The following KLF7 variants were observed in gnomAD, a reference collection of about 807,000 sequenced individuals.
KLF7 encodes the protein Krueppel-like factor 7.
Under a neutral mutation model 27.3 loss-of-function variants are expected in KLF7, and 2 were observed. That is an observed-to-expected ratio of 0.07 (90% CI 0.03 to 0.23). The LOEUF is 0.23. KLF7 is among the 10% of genes least tolerant of loss of function. KLF7 has a pLI of 1.00. For missense variants in KLF7, 221 were observed against 394.1 expected (o/e 0.56, Z 3.72); for synonymous variants, 165 against 162.4 (o/e 1.02, Z -0.12).
chr2:207,083,615 A>T (rs1317488662), intron 3 of KLF7, among the ~76,000 whole-genome samples: 1 of 152,210 alleles, frequency 6.6e-6, no homozygotes, highest in Non-Finnish European at 1.5e-5. Context: ...TCTGGTAGGC[A>T]GAATAATGCT....
intron 2 of KLF7, among the ~76,000 whole-genome samples, chr2:207,092,117 G>C (rs928234890): frequency 1.3e-5 from 2 of 152,132 alleles, no homozygotes; most frequent in Non-Finnish European, 2.9e-5. Flanking sequence ...TACTTCTCCT[G>C]GGTATAAAAC....
chr2:207,101,700 G>A (rs2076769086), intron 2 of KLF7, among the ~76,000 whole-genome samples: 2 of 152,160 alleles, frequency 1.3e-5, no homozygotes, highest in Admixed American at 6.5e-5. Context: ...TGTCCTCAGG[G>A]CCTGGCACAA....
At chr2:207,093,728 T>C (rs1179182953) in intron 2 of KLF7, among the ~76,000 whole-genome samples, 3 of 152,210 alleles carry the variant, frequency 2.0e-5, no homozygotes, top group Admixed American at 1.3e-4. Context: ...ATTAGGTGAA[T>C]TTAACAAAGC....
chr2:207,100,779 C>T (rs1165267218), intron 2 of KLF7, among the ~76,000 whole-genome samples: 2 of 152,158 alleles, frequency 1.3e-5, no homozygotes, highest in East Asian at 3.8e-4. Flanking sequence ...CTTTTTATGC[C>T]TTGATCCCTT....
intron 1 of KLF7, among the ~76,000 whole-genome samples, chr2:207,139,185 C>G (rs1375780272): frequency 6.6e-6 from 1 of 152,170 alleles, no homozygotes; most frequent in Non-Finnish European, 1.5e-5. Flanking sequence ...TGTAACAGCT[C>G]TAACTCCCAG....
chr2:207,152,098 C>A (rs752442577), intron 1 of KLF7, among the ~76,000 whole-genome samples: 1 of 152,128 alleles, frequency 6.6e-6, no homozygotes, highest in Non-Finnish European at 1.5e-5. Context: ...CAGGAAAGTA[C>A]TTTATTATAA....
chr2:207,091,174 T>A (rs768903140), intron 2 of KLF7, among the ~76,000 whole-genome samples: 5 of 152,206 alleles, frequency 3.3e-5, no homozygotes, highest in Non-Finnish European at 5.9e-5. Flanking sequence ...GAAGTGGACG[T>A]CTTTGGATAT....
At chr2:207,089,028 T>TC (rs1479134744) in intron 2 of KLF7, among the ~76,000 whole-genome samples, 2 of 152,352 alleles carry the variant, frequency 1.3e-5, no homozygotes, top group Non-Finnish European at 1.5e-5. Flanking sequence ...GGCTTTTTAG[T>TC]CTTCTCCCTC....
chr2:207,122,683 T>C (rs1008124279), intron 2 of KLF7, among the ~76,000 whole-genome samples: 2 of 152,150 alleles, frequency 1.3e-5, no homozygotes, highest in African/African-American at 2.4e-5. Context: ...TGCACACTTC[T>C]TTGGAGGCAC....
At chr2:207,081,710 AAAG>A (rs1290718285) in intron 3 of KLF7, among the ~76,000 whole-genome samples, 1 of 152,166 alleles carries the variant, frequency 6.6e-6, no homozygotes, top group Admixed American at 6.5e-5. Context: ...TAAATATAAT[AAAG>A]AATAATTAGT....
chr2:207,088,610 C>T (rs374281798), intron 2 of KLF7, 29 bp from the exon 3 acceptor site: 3 of 1,608,148 alleles, frequency 1.9e-6, no homozygotes, highest in African/African-American at 2.7e-5. Context: ...GGACCGTGGT[C>T]AGCAGCAGGA....
rs1168968915 is a variant in KLF7 at position 207,075,720 on chromosome 2, A to AT, written c.*5492dup. The AT allele has an allele frequency of 6.6e-6, 1 of 152,162 alleles. No homozygotes were observed. The allele number at this position is 152,162 out of a possible 1,614,324, so 9.4% of individuals were successfully genotyped here. On this transcript the variant is annotated 3_prime_UTR_variant, in exon 4 of 4. Coordinates refer to ENST00000309446, the MANE Select transcript of KLF7 (RefSeq NM_003709.4). The stretch of plus-strand genomic sequence containing the variant: ...GAAAGGAAGGGGAGGCTTCAAAAAC[A>AT]TTAGACATTTATTTTTGCCTCTGTG...
At chr2:207,117,526 A>C (rs2077221180) in intron 2 of KLF7, among the ~76,000 whole-genome samples, 1 of 152,178 alleles carries the variant, frequency 6.6e-6, no homozygotes, top group African/African-American at 2.4e-5. Flanking sequence ...CACATGGATA[A>C]ACTTCATTAG....
At chr2:207,140,328 A>G (rs1331000943) in intron 1 of KLF7, among the ~76,000 whole-genome samples, 2 of 152,250 alleles carry the variant, frequency 1.3e-5, no homozygotes, top group Admixed American at 6.5e-5. Flanking sequence ...GCTATCCAAC[A>G]TTTTAAAAAA....
At position 207,124,452 on chromosome 2, in the gene KLF7, A is replaced by T. The variant is rs202140826; in HGVS notation, c.103-48T>A. 15 of 1,515,614 alleles carry T rather than the reference A, an allele frequency of 9.9e-6. No homozygotes were observed. In the East Asian group the frequency reaches 3.4e-4, roughly 34 times the overall value. 93.9% of individuals were successfully genotyped at this position (1,515,614 alleles called of 1,614,324 possible). Reference sequence around the variant, plus strand: ...GAGAAACAGCCATCAGAGGCACAGAACACCATGAGGCCACACGTTGACAGG... The same window carrying T: ...GAGAAACAGCCATCAGAGGCACAGATCACCATGAGGCCACACGTTGACAGG... On this transcript the variant is annotated intron_variant, in intron 1 of 3. Transcript: ENST00000309446.
At chr2:207,162,295 T>G (rs1236998537) in intron 1 of KLF7, among the ~76,000 whole-genome samples, 1 of 152,234 alleles carries the variant, frequency 6.6e-6, no homozygotes, top group East Asian at 1.9e-4. Context: ...TTCCTACTTT[T>G]GCTCAGACAG....
Position 207,095,197 on chromosome 2 carries a change from G to A in KLF7, c.734-6616C>T, listed in dbSNP as rs1294290034. Among the ~76,000 whole-genome samples the A allele has an allele frequency of 3.3e-5, 5 of 151,840 alleles. No individual in the cohort carries two copies. In the East Asian group the frequency reaches 9.7e-4, roughly 29 times the overall value. The stretch of plus-strand genomic sequence containing the variant: ...CGAGTAGCTGGGACTACAGGCTCCA[G>A]CCACCACGTCCAGCTAATTTTTTTG... On this transcript the variant is annotated intron_variant, in intron 2 of 3. Transcript: ENST00000309446.
chr2:207,089,861 T>C (rs922120900), intron 2 of KLF7, among the ~76,000 whole-genome samples: 2 of 152,140 alleles, frequency 1.3e-5, no homozygotes, highest in African/African-American at 4.8e-5. Flanking sequence ...AAACTCAAAG[T>C]TTCAGGATAC....
intron 1 of KLF7, among the ~76,000 whole-genome samples, chr2:207,155,740 G>A (rs1164846612): frequency 3.9e-5 from 6 of 152,186 alleles, no homozygotes; most frequent in Non-Finnish European, 1.5e-5. Flanking sequence ...AATCAGTTCT[G>A]CATAGGGCCT....
Sources: gnomAD v4.1 joint callset for allele counts (sites outside exome capture counted in the v4.1 genomes callset) on GRCh38, gnomAD v4.1.1 for gene constraint, MANE v1.5 for transcripts, NCBI Gene and HGNC (gene_info 2026-07-23, HGNC 2026-07-21) for gene names.